CNTN4: variants seen among roughly 807,000 people sequenced by gnomAD.
CNTN4 encodes contactin 4, also known as contactin-4.
A neutral mutation model predicts 122.5 loss-of-function variants in CNTN4; 77 were observed. That is an observed-to-expected ratio of 0.63 (90% CI 0.52 to 0.76). The LOEUF (loss-of-function observed/expected upper bound fraction) is 0.76, where lower values mean the gene tolerates loss of function less well. CNTN4 is among the 30% of genes least tolerant of loss of function. CNTN4 has a pLI of 0.00. For synonymous variants in CNTN4, 512 were observed against 447.0 expected (o/e 1.15, Z -1.83); for missense variants, 1,256 against 1,259.1 (o/e 1.00, Z 0.04).
At chr3:2,536,453 G>T (rs982650037) in intron 3 of CNTN4, among the ~76,000 whole-genome samples, 1 of 152,086 alleles carries the variant, frequency 6.6e-6, no homozygotes, top group African/African-American at 2.4e-5. Flanking sequence ...TGACCTGAAA[G>T]TCATTGCCCT....
chr3:2,233,660 T>C (rs556472020), intron 2 of CNTN4, among the ~76,000 whole-genome samples: 4 of 152,210 alleles, frequency 2.6e-5, no homozygotes, highest in Admixed American at 6.5e-5. Context: ...TCACCCCCAA[T>C]TGAACCGTTT....
intron 6 of CNTN4, among the ~76,000 whole-genome samples, chr3:2,746,073 A>G (rs1377367854): frequency 4.6e-5 from 7 of 152,036 alleles, no homozygotes; most frequent in Non-Finnish European, 8.8e-5. Context: ...TAAGCAAGCA[A>G]TTGAACAAAT....
At chr3:2,566,860 G>A (rs942800959) in intron 3 of CNTN4, among the ~76,000 whole-genome samples, 1 of 152,140 alleles carries the variant, frequency 6.6e-6, no homozygotes, top group Non-Finnish European at 1.5e-5. Flanking sequence ...GCTGCTATGA[G>A]GCTTTGAAAA....
chr3:2,659,460 CAAAAAA>C (rs59025670), intron 4 of CNTN4, among the ~76,000 whole-genome samples: 1 of 53,980 alleles, frequency 1.9e-5, no homozygotes, highest in African/African-American at 6.5e-5. Context: ...GACTCCATCT[CAAAAAA>C]AAAAAAAAAA....
At chr3:2,627,714 CG>C (rs2082261115) in intron 4 of CNTN4, among the ~76,000 whole-genome samples, 1 of 151,924 alleles carries the variant, frequency 6.6e-6, no homozygotes, top group East Asian at 1.9e-4. Flanking sequence ...AGGATGGTCT[CG>C]ATCTCCTGAC....
intron 3 of CNTN4, among the ~76,000 whole-genome samples, chr3:2,381,330 A>G (rs2046014497): frequency 6.6e-6 from 1 of 152,012 alleles, no homozygotes; most frequent in Non-Finnish European, 1.5e-5. Flanking sequence ...CTAGAGAGAA[A>G]TGGGCCCCAA....
chr3:2,145,845 G>C (rs750430079), intron 2 of CNTN4, among the ~76,000 whole-genome samples: 87 of 151,996 alleles, frequency 5.7e-4, no homozygotes, highest in Admixed American at 6.6e-4. Flanking sequence ...AATATTTGGG[G>C]ATTAGAAGGC....
chr3:2,260,387 G>T (rs149426246), intron 2 of CNTN4, among the ~76,000 whole-genome samples: 1 of 152,076 alleles, frequency 6.6e-6, no homozygotes, highest in African/African-American at 2.4e-5. Flanking sequence ...GCCCATGGTT[G>T]AGAACCTCCG....
chr3:2,745,550 A>G lies in CNTN4; in HGVS notation c.211A>G (p.Thr71Ala), dbSNP rs530106750. Reference sequence around the variant, plus strand: ...GAAGTTAAATGGAACAGATGTTGACACTGGTATGGATTTCCGCTACAGTGT... The same window carrying G: ...GAAGTTAAATGGAACAGATGTTGACGCTGGTATGGATTTCCGCTACAGTGT... The part of the protein sequence containing the change: ...RWKLNGTDVD[T>A]GMDFRYSVVE... The change falls in exon 6 of 25, where the codon ACT becomes GCT. Residue 71 changes from threonine to alanine, a missense_variant. By Grantham distance (58) the Thr-to-Ala change is moderately conservative (BLOSUM62 0). Transcript: ENST00000418658. The G allele has an allele frequency of 7.4e-6, 12 of 1,614,126 alleles. No individual in the cohort carries two copies. Among genetic ancestry groups the G allele is most frequent in the Non-Finnish European group, 5.1e-6 (6 of 1,179,978 alleles).
chr3:2,548,155 C>T (rs1324474989), intron 3 of CNTN4, among the ~76,000 whole-genome samples: 1 of 152,150 alleles, frequency 6.6e-6, no homozygotes, highest in East Asian at 1.9e-4. Context: ...AGTTTCATTG[C>T]TGTGCGGAAG....
At chr3:2,636,276 C>T (rs17017710) in intron 4 of CNTN4, among the ~76,000 whole-genome samples, 19,210 of 152,160 alleles carry the variant, frequency 0.13, 1,280 homozygotes, top group South Asian at 0.21. Context: ...AAAAACTTTA[C>T]GTCATCAGGC....
chr3:2,486,466 G>A (rs996338582), intron 3 of CNTN4, among the ~76,000 whole-genome samples: 9 of 152,134 alleles, frequency 5.9e-5, no homozygotes, highest in African/African-American at 2.2e-4. Context: ...ATTTTTGAAT[G>A]ATTTTAATAT....
At position 2,143,048 on chromosome 3, in the gene CNTN4, G is replaced by T. The variant is rs376947730; in HGVS notation, c.-145+42409G>T. On this transcript the variant is annotated intron_variant, in intron 2 of 24. Transcript: ENST00000418658. ...TGCTTTGAGCCTTCATTACGTAAGC[G>T]ATTTTTCTCAAGGTCACTGGGAGCA... Among the ~76,000 whole-genome samples the T allele has an allele frequency of 1.6e-4, 25 of 152,268 alleles. No individual in the cohort carries two copies. In the South Asian group the frequency reaches 5.0e-3, roughly 30 times the overall value.
intron 2 of CNTN4, among the ~76,000 whole-genome samples, chr3:2,323,494 CTT>C (rs1195852251): frequency 2.0e-5 from 3 of 152,178 alleles, no homozygotes; most frequent in Non-Finnish European, 4.4e-5. Flanking sequence ...TTTGTACAGA[CTT>C]TTAGAAGTCT....
intron 6 of CNTN4, among the ~76,000 whole-genome samples, chr3:2,796,683 C>G (rs1414075555): frequency 6.6e-6 from 1 of 152,160 alleles, no homozygotes; most frequent in Non-Finnish European, 1.5e-5. Context: ...TTCTTTGAGA[C>G]TTATCGGAAG....
At chr3:2,323,890 C>T (rs577333301) in intron 2 of CNTN4, among the ~76,000 whole-genome samples, 148 of 152,230 alleles carry the variant, frequency 9.7e-4, no homozygotes, top group African/African-American at 3.4e-3. Flanking sequence ...AAATCTGTAC[C>T]GTGCATTGGC....
At chr3:2,322,045 G>C (rs928551473) in intron 2 of CNTN4, among the ~76,000 whole-genome samples, 1 of 152,104 alleles carries the variant, frequency 6.6e-6, no homozygotes, top group Non-Finnish European at 1.5e-5. Flanking sequence ...AATGCCCTCA[G>C]GAGCAGTGTT....
intron 3 of CNTN4, among the ~76,000 whole-genome samples, chr3:2,435,151 C>CATTAA (rs2048215241): frequency 6.6e-6 from 1 of 152,036 alleles, no homozygotes; most frequent in South Asian, 2.1e-4. Flanking sequence ...TATTAAACAC[C>CATTAA]ATTAATTCTA....
chr3:2,115,946 T>G (rs1466443032), intron 2 of CNTN4, among the ~76,000 whole-genome samples: 1 of 152,226 alleles, frequency 6.6e-6, no homozygotes, highest in African/African-American at 2.4e-5. Context: ...CCTGTAAACT[T>G]GGTCTTATTA....
Sources: gnomAD v4.1 joint callset for allele counts (sites outside exome capture counted in the v4.1 genomes callset) on GRCh38, gnomAD v4.1.1 for gene constraint, MANE v1.5 for transcripts, NCBI Gene and HGNC (gene_info 2026-07-23, HGNC 2026-07-21) for gene names.